Variants in MAGEA4 observed in about 807,000 individuals in gnomAD.
MAGEA4 encodes the protein MAGE family member A4.
MAGEA4 carries 1 observed loss-of-function variant against 13.7 expected under a neutral mutation model. That is an observed-to-expected ratio of 0.07 (90% CI 0.03 to 0.35). MAGEA4 has a LOEUF of 0.35. Ranked by LOEUF, MAGEA4 falls within the 10% of genes least tolerant of loss-of-function variation. The pLI is 0.99. For synonymous variants in MAGEA4, 132 were observed against 101.1 expected, an observed-to-expected ratio of 1.31 and a Z score of -1.83; for missense variants, 312 against 245.1, an observed-to-expected ratio of 1.27 and a Z score of -1.82.
At chrX:151,915,970 A>C (rs1603065467) in intron 1 of MAGEA4, among the ~76,000 whole-genome samples, 1 of 13,875 alleles carries the variant, frequency 7.2e-5, no homozygotes, top group African/African-American at 5.8e-4. Flanking sequence ...CCCCACCAGC[A>C]CTCCTCTCCT....
At chrX:151,919,552 A>C (rs746639083) in intron 1 of MAGEA4, 3 of 424,001 alleles carry the variant, frequency 7.1e-6, no homozygotes, top group African/African-American at 7.0e-5. Context: ...TCCCACCCCC[A>C]TCCACGCTGA....
At chrX:151,917,986 A>C (rs1933144680) in intron 1 of MAGEA4, among the ~76,000 whole-genome samples, 1 of 77,089 alleles carries the variant, frequency 1.3e-5, no homozygotes, top group Non-Finnish European at 2.5e-5. Flanking sequence ...TGCACTCCTA[A>C]ACCCATCCCC....
chrX:151,913,599 G>A (rs975852916), intron 1 of MAGEA4: 2 of 746,569 alleles, frequency 2.7e-6, no homozygotes, highest in African/African-American at 4.8e-5. Flanking sequence ...GTGAGACGCT[G>A]AGGGAGGACT....
chrX:151,924,763 T>C lies in MAGEA4; in HGVS notation c.*145T>C, dbSNP rs1343449921. The C allele has an allele frequency of 9.5e-5, 55 of 576,025 alleles. No homozygotes were observed. In the East Asian group the frequency reaches 2.1e-3, roughly 22 times the overall value. The allele number at this position is 576,025 out of a possible 1,213,427, so 47.5% of individuals were successfully genotyped here. A position where few individuals can be genotyped will look rare whatever the true frequency, so the allele number is the denominator to read the frequency against. On this transcript the variant is annotated 3_prime_UTR_variant, in exon 3 of 3. Transcript: ENST00000276344. ...AGAAAATAGTCAGTGTTCTTAGTAG[T>C]GGGTTTCTATTTTGTTGGATGACTT...
chrX:151,919,707 C>T lies in MAGEA4; in HGVS notation c.-137-3746C>T, dbSNP rs1297491918. 6 of 751,242 alleles carry T rather than the reference C, an allele frequency of 8.0e-6. No homozygotes were observed. In the African/African-American group the frequency reaches 1.4e-4, roughly 18 times the overall value. 61.9% of individuals were successfully genotyped at this position (751,242 alleles called of 1,213,427 possible). The stretch of plus-strand genomic sequence containing the variant: ...ACTGGTGGAGGGAAGCGGGCCAGGC[C>T]CTGTGAGGAGTCAAGGTGAGACGCT... On this transcript the variant is annotated intron_variant, in intron 1 of 2. Coordinates refer to ENST00000276344, the MANE Select transcript of MAGEA4 (RefSeq NM_001011548.1).
chrX:151,923,937 A>G lies in MAGEA4; in HGVS notation c.273A>G (p.Gln91=), dbSNP rs756275786. The G allele has an allele frequency of 5.8e-6, 7 of 1,210,029 alleles. No individual in the cohort carries two copies. In the Admixed American group the frequency reaches 8.7e-5, roughly 15 times the overall value. Residue 91 remains glutamine (Q), a synonymous_variant, in exon 3 of 3, where the codon CAA becomes CAG. Transcript: ENST00000276344. Reference sequence around the variant, plus strand: ...AACCCAATGAGGGTTCCAGCAGCCAAGAAGAGGAGGGGCCAAGCACCTCGC... The same window carrying G: ...AACCCAATGAGGGTTCCAGCAGCCAGGAAGAGGAGGGGCCAAGCACCTCGC... ...WRQPNEGSSS[Q]EEEGPSTSPD... is the part of the protein sequence containing the mutation.
intron 1 of MAGEA4, among the ~76,000 whole-genome samples, chrX:151,923,159 C>T (rs188676246): frequency 8.9e-6 from 1 of 111,974 alleles, no homozygotes; most frequent in East Asian, 2.9e-4. Context: ...CACTGAGGGA[C>T]CGGGGCTGTG....
Position 151,923,981 on chromosome X carries a change from T to A in MAGEA4, c.317T>A (p.Phe106Tyr). Residue 106 changes from phenylalanine (F) to tyrosine (Y), a missense_variant, in exon 3 of 3, where the codon TTC becomes TAC. Transcript: ENST00000276344. ...ACCTCGCCTGACGCAGAGTCCTTGT[T>A]CCGAGAAGCACTCAGTAACAAGGTG... ...PSTSPDAESL[F>Y]REALSNKVDE... The A allele has an allele frequency of 1.7e-6, 2 of 1,211,807 alleles. No homozygotes were observed. The highest frequency in any genetic ancestry group is 2.2e-6 in the Non-Finnish European group (2 of 895,507).
intron 1 of MAGEA4, chrX:151,913,619 C>A (rs1252495946): frequency 2.7e-5 from 20 of 746,032 alleles, no homozygotes; most frequent in Non-Finnish European, 2.5e-5. Context: ...TCAGGAGGCC[C>A]CCACCCCAGA....
Position 151,924,019 on chromosome X carries a change from C to T in MAGEA4, c.355C>T (p.His119Tyr), listed in dbSNP as rs773420574. 2.5e-6 allele frequency: 3 copies of T among 1,212,168 alleles called. No individual in the cohort carries two copies. The highest frequency in any genetic ancestry group is 3.3e-6 in the Non-Finnish European group (3 of 895,642). The change falls in exon 3 of 3, where the codon CAT (histidine) becomes TAT (tyrosine). Residue 119 changes from histidine (H) to tyrosine (Y), a missense_variant. By Grantham distance (83) the His-to-Tyr change is moderately conservative. Transcript: ENST00000276344. ...ALSNKVDELA[H>Y]FLLRKYRAKE... ...CAGTAACAAGGTGGATGAGTTGGCT[C>T]ATTTTCTGCTCCGCAAGTATCGAGC... is the stretch of plus-strand genomic sequence containing the variant.
At chrX:151,922,180 G>A (rs917641806) in intron 1 of MAGEA4, among the ~76,000 whole-genome samples, 12 of 111,515 alleles carry the variant, frequency 1.1e-4, no homozygotes, top group Non-Finnish European at 2.3e-4. Flanking sequence ...CACTTCACGA[G>A]GAATGGGGAT....
chrX:151,923,910 G>A lies in MAGEA4; in HGVS notation c.246G>A (p.Arg82=). The change falls in exon 3 of 3, where the codon AGG becomes AGA. Residue 82 remains arginine, a synonymous_variant. Coordinates refer to ENST00000276344, the MANE Select transcript of MAGEA4 (RefSeq NM_001011548.1). ...LPTTISFTCW[R]QPNEGSSSQE... ...CTACCATCAGCTTCACTTGCTGGAG[G>A]CAACCCAATGAGGGTTCCAGCAGCC... 8.3e-7 allele frequency: 1 copy of A among 1,211,446 alleles called. No individual in the cohort carries two copies. Among genetic ancestry groups the A allele is most frequent in the Admixed American group, 2.2e-5 (1 of 46,062 alleles).
chrX:151,913,019 C>G (rs1247316313), intron 1 of MAGEA4, 50 bp downstream of exon 1: 1 of 111,707 alleles, frequency 9.0e-6, no homozygotes, highest in Non-Finnish European at 1.8e-5. Context: ...ACATAGACGA[C>G]CACAAAAAAT....
intron 1 of MAGEA4, among the ~76,000 whole-genome samples, chrX:151,918,065 A>C (rs1603067639): frequency 4.3e-5 from 2 of 46,884 alleles, no homozygotes; most frequent in East Asian, 7.9e-4. Context: ...GCCACCCCAA[A>C]AACCGGGGCC....
chrX:151,921,968 A>G (rs1404371546), intron 1 of MAGEA4, among the ~76,000 whole-genome samples: 1 of 111,719 alleles, frequency 9.0e-6, no homozygotes, highest in Non-Finnish European at 1.9e-5. Flanking sequence ...AAGGAAAGGA[A>G]GACGAGGGAG....
chrX:151,920,598 C>A (rs1307115680), intron 1 of MAGEA4, among the ~76,000 whole-genome samples: 16 of 87,687 alleles, frequency 1.8e-4, no homozygotes, highest in Non-Finnish European at 4.4e-5. Flanking sequence ...CCCATCTGTA[C>A]CCCCATTCCC....
chrX:151,918,875 C>T (rs897188556), intron 1 of MAGEA4: 13 of 644,031 alleles, frequency 2.0e-5, no homozygotes, highest in Non-Finnish European at 2.2e-5. Flanking sequence ...CCCATCCACG[C>T]TGAATCTGAT....
chrX:151,921,090 G>T (rs1312372753), intron 1 of MAGEA4, among the ~76,000 whole-genome samples: 1 of 112,286 alleles, frequency 8.9e-6, no homozygotes, highest in African/African-American at 3.2e-5. Context: ...AGAAACCTGA[G>T]AGGGAACTGA....
Position 151,923,596 on chromosome X carries a change from G to A in MAGEA4, c.-65-4G>A, listed in dbSNP as rs760092762. ...GGTCTCTCACATGCTCCCTCTCTCC[G>A]TAGGCCTGTGGGTCCCCATTGCCCA... On this transcript the variant is annotated splice_region_variant and splice_polypyrimidine_tract_variant and intron_variant, in intron 2 of 2. Coordinates refer to ENST00000276344, the MANE Select transcript of MAGEA4 (RefSeq NM_001011548.1). 1.2e-5 allele frequency: 14 copies of A among 1,210,566 alleles called. No homozygotes were observed. Among genetic ancestry groups the A allele is most frequent in the East Asian group, 3.0e-5 (1 of 33,801 alleles).
Sources: allele counts gnomAD v4.1 joint callset (sites outside exome capture counted in the v4.1 genomes callset), GRCh38; gene constraint gnomAD v4.1.1; transcripts MANE v1.5; gene names NCBI Gene and HGNC (gene_info 2026-07-23, HGNC 2026-07-21).